Variants in ZRANB3 observed in about 807,000 individuals in gnomAD.
ZRANB3 encodes the protein zinc finger RANBP2-type containing 3, also known as DNA annealing helicase and endonuclease ZRANB3.
Under a neutral mutation model 133.8 loss-of-function variants are expected in ZRANB3, and 125 were observed. That is an observed-to-expected ratio of 0.93 (90% confidence interval 0.81 to 1.08). The LOEUF (loss-of-function observed/expected upper bound fraction) is 1.08, where lower values mean the gene tolerates loss of function less well. Among genes scored for constraint, ZRANB3 ranks in the 50% least tolerant of loss-of-function variants. ZRANB3 has a pLI of 0.00. For missense variants in ZRANB3, 1,229 were observed against 1,275.5 expected (o/e 0.96, Z 0.56); for synonymous variants, 387 against 432.7 (o/e 0.89, Z 1.31).
chr2:135,456,897 T>G (rs1690542813), intron 2 of ZRANB3, among the ~76,000 whole-genome samples: 1 of 152,184 alleles, frequency 6.6e-6, no homozygotes, highest in Non-Finnish European at 1.5e-5. Context: ...TAGAGAAGAC[T>G]GTAGGAGGGG....
chr2:135,435,206 T>C (rs1314184293), intron 2 of ZRANB3, among the ~76,000 whole-genome samples: 2 of 152,146 alleles, frequency 1.3e-5, no homozygotes, highest in Admixed American at 1.3e-4. Context: ...TATAAGTTCT[T>C]ATCATTTCGC....
intron 12 of ZRANB3, among the ~76,000 whole-genome samples, chr2:135,253,043 G>T (rs1444202681): frequency 6.6e-6 from 1 of 152,144 alleles, no homozygotes; most frequent in Non-Finnish European, 1.5e-5. Flanking sequence ...TGACAAAGGG[G>T]CTTTATACAT....
chr2:135,254,661 C>T (rs1050243163), intron 12 of ZRANB3, among the ~76,000 whole-genome samples: 1 of 152,004 alleles, frequency 6.6e-6, no homozygotes, highest in Non-Finnish European at 1.5e-5. Flanking sequence ...ATCCATATAC[C>T]ATAAAATTCA....
intron 8 of ZRANB3, among the ~76,000 whole-genome samples, chr2:135,295,528 T>A (rs986526915): frequency 1.3e-5 from 2 of 152,214 alleles, no homozygotes; most frequent in African/African-American, 4.8e-5. Flanking sequence ...TGACTCTTTA[T>A]CCAATTTGCC....
At chr2:135,494,691 T>C (rs1266969136) in intron 2 of ZRANB3, among the ~76,000 whole-genome samples, 1 of 152,166 alleles carries the variant, frequency 6.6e-6, no homozygotes, top group Non-Finnish European at 1.5e-5. Flanking sequence ...GAGAAGAATA[T>C]GACCTCAATC....
At chr2:135,515,050 G>A (rs1385136162) in intron 1 of ZRANB3, among the ~76,000 whole-genome samples, 1 of 152,124 alleles carries the variant, frequency 6.6e-6, no homozygotes, top group East Asian at 1.9e-4. Context: ...GTATTTTATT[G>A]AGTATTTTCG....
At chr2:135,345,386 T>A in intron 6 of ZRANB3, 164 bp downstream of exon 6, 3 of 531,102 alleles carry the variant, frequency 5.6e-6, no homozygotes, top group Non-Finnish European at 1.0e-5. Context: ...AAGAATCGAT[T>A]GAACCCAGGA....
At chr2:135,242,023 T>C (rs1049581929) in intron 12 of ZRANB3, among the ~76,000 whole-genome samples, 1 of 151,774 alleles carries the variant, frequency 6.6e-6, no homozygotes, top group Non-Finnish European at 1.5e-5. Context: ...CTACAAAAAA[T>C]ACAAAAAGTA....
chr2:135,437,710 C>T (rs928858263), intron 2 of ZRANB3, among the ~76,000 whole-genome samples: 76 of 152,124 alleles, frequency 5.0e-4, no homozygotes, highest in Non-Finnish European at 6.9e-4. Context: ...ACTCTGAGTT[C>T]ATAAATTTCA....
intron 17 of ZRANB3, 83 bp downstream of exon 17, chr2:135,217,382 T>G: frequency 7.6e-7 from 1 of 1,312,582 alleles, no homozygotes; most frequent in South Asian, 1.7e-5. Flanking sequence ...TCATTAGTGG[T>G]TCCAAAAGAT....
chr2:135,471,663 G>A (rs1338895398), intron 2 of ZRANB3, among the ~76,000 whole-genome samples: 1 of 152,124 alleles, frequency 6.6e-6, no homozygotes, highest in Non-Finnish European at 1.5e-5. Flanking sequence ...TTATTTCCAT[G>A]GCTACTAAAG....
At chr2:135,483,772 C>A (rs1311841312) in intron 2 of ZRANB3, among the ~76,000 whole-genome samples, 1 of 152,210 alleles carries the variant, frequency 6.6e-6, no homozygotes, top group Admixed American at 6.5e-5. Context: ...TCCCTCTACA[C>A]ACTGCTTTGA....
chr2:135,500,876 A>ATTT (rs1692911224), intron 2 of ZRANB3, among the ~76,000 whole-genome samples: 1 of 152,106 alleles, frequency 6.6e-6, no homozygotes, highest in South Asian at 2.1e-4. Context: ...TGTAGCACAG[A>ATTT]CAGAGAAAAT....
At chr2:135,223,187 G>A (rs531794335) in intron 15 of ZRANB3, among the ~76,000 whole-genome samples, 2 of 151,810 alleles carry the variant, frequency 1.3e-5, no homozygotes, top group South Asian at 4.2e-4. Context: ...GGAGGCAGAG[G>A]TTGCAGTGAG....
At chr2:135,510,749 T>A in intron 1 of ZRANB3, 1 of 802,698 alleles carries the variant, frequency 1.2e-6, no homozygotes, top group Non-Finnish European at 2.3e-6. Flanking sequence ...CTGAACATGA[T>A]GGGCCTGTTG....
At chr2:135,407,501 G>A (rs1316844437) in intron 2 of ZRANB3, among the ~76,000 whole-genome samples, 29 of 146,430 alleles carry the variant, frequency 2.0e-4, no homozygotes, top group African/African-American at 7.4e-4. Flanking sequence ...CCAAAAAAGA[G>A]CCCGCATCGC....
intron 15 of ZRANB3, among the ~76,000 whole-genome samples, chr2:135,222,772 T>C (rs72980388): frequency 0.062 from 9,425 of 152,046 alleles, 578 homozygotes; most frequent in African/African-American, 0.16. Context: ...TTTTTATATA[T>C]ATATAATGGG....
intron 3 of ZRANB3, among the ~76,000 whole-genome samples, chr2:135,390,378 G>C (rs6430572): frequency 4.2e-4 from 64 of 152,042 alleles, no homozygotes; most frequent in Non-Finnish European, 7.5e-4. Flanking sequence ...AAATCTATCA[G>C]ATTGTTGAGT....
chr2:135,510,793 A>C (rs1211877101), intron 1 of ZRANB3: 3 of 823,992 alleles, frequency 3.6e-6, no homozygotes, highest in South Asian at 2.7e-5. Flanking sequence ...AGAATCATCA[A>C]AACAAAACCA....
Sources: allele counts gnomAD v4.1 joint callset (sites outside exome capture counted in the v4.1 genomes callset), GRCh38; gene constraint gnomAD v4.1.1; transcripts MANE v1.5; gene names NCBI Gene and HGNC (gene_info 2026-07-23, HGNC 2026-07-21).